The following ITGA1 variants were observed in gnomAD, a reference collection of about 807,000 sequenced individuals.
ITGA1 encodes integrin alpha-1.
Under a neutral mutation model 145.9 loss-of-function variants are expected in ITGA1, and 85 were observed. That is an observed-to-expected ratio of 0.58 (90% confidence interval 0.49 to 0.70). The LOEUF (loss-of-function observed/expected upper bound fraction) is 0.70, where lower values mean the gene tolerates loss of function less well. ITGA1 is among the 30% of genes least tolerant of loss of function. ITGA1 has a pLI of 0.00. For missense variants in ITGA1, 1,351 were observed against 1,418.7 expected (o/e 0.95, Z 0.77); for synonymous variants, 520 against 495.3 (o/e 1.05, Z -0.66).
chr5:52,921,186 A>C (rs1284663973), intron 17 of ITGA1, among the ~76,000 whole-genome samples: 1 of 152,150 alleles, frequency 6.6e-6, no homozygotes. Flanking sequence ...TAAAAACAAG[A>C]AGCAGCATGA....
intron 3 of ITGA1, 91 bp downstream of exon 3, chr5:52,861,650 CGTTTGAGCCCAGGA>C (rs1561229869): frequency 4.0e-6 from 3 of 756,746 alleles, no homozygotes; most frequent in Non-Finnish European, 6.8e-6. Context: ...ACAGGCATAT[CGTTTGAGCCCAGGA>C]GTTTGAGACC....
chr5:52,925,233 ATGCG>A (rs1750786365), intron 18 of ITGA1, 41 bp from the exon 19 acceptor site: 1 of 1,451,954 alleles, frequency 6.9e-7, no homozygotes, highest in African/African-American at 1.4e-5. Context: ...ATTTTCAACA[ATGCG>A]TAGCTAAATT....
chr5:52,912,228 GTATC>G (rs1362790242), intron 14 of ITGA1, among the ~76,000 whole-genome samples: 3 of 141,002 alleles, frequency 2.1e-5, no homozygotes, highest in Non-Finnish European at 3.1e-5. Context: ...TATATATACT[GTATC>G]TAGTGTATCT....
Position 52,925,490 on chromosome 5 carries a change from A to G in ITGA1, c.2613+3A>G, listed in dbSNP as rs1185129239. ...ATCTAGTTTTTTCAGGAATTGAGGT[A>G]AACTTCCAGTTTTTCATTTATTTGT... On this transcript the variant is annotated splice_donor_region_variant and intron_variant, in intron 19 of 28. Transcript: ENST00000282588. 6.2e-7 allele frequency: 1 copy of G among 1,601,998 alleles called. No homozygotes were observed. Among genetic ancestry groups the G allele is most frequent in the East Asian group, 2.2e-5 (1 of 44,808 alleles).
intron 10 of ITGA1, 40 bp from the exon 11 acceptor site, chr5:52,898,198 AT>A (rs1220931592): frequency 1.5e-6 from 2 of 1,311,056 alleles, no homozygotes; most frequent in South Asian, 3.4e-5. Flanking sequence ...TCCCCTTATT[AT>A]TTTTATTAAA....
chr5:52,878,019 G>A (rs1032294377), intron 6 of ITGA1, among the ~76,000 whole-genome samples: 2 of 152,210 alleles, frequency 1.3e-5, no homozygotes, highest in African/African-American at 4.8e-5. Flanking sequence ...AAAGGAAAGT[G>A]TAATTTCAAG....
rs757145736 is a variant in ITGA1 at position 52,881,938 on chromosome 5, C to T, written c.690C>T (p.Thr230=). Residue 230 remains threonine (T), a synonymous_variant, in exon 7 of 29, where the codon ACC becomes ACT. Transcript: ENST00000282588. Reference sequence around the variant, plus strand: ...TCAACCTCAATAAGTATTCTTCCACCGAAGAGGTACTTGTTGCAGCAAAGA... The same window carrying T: ...TCAACCTCAATAAGTATTCTTCCACTGAAGAGGTACTTGTTGCAGCAAAGA... The part of the protein sequence containing the change: ...HEFNLNKYSS[T]EEVLVAAKKI... 9.9e-6 allele frequency: 16 copies of T among 1,613,460 alleles called. No individual in the cohort carries two copies. The highest frequency in any genetic ancestry group is 9.4e-5 in the African/African-American group (7 of 74,852).
chr5:52,886,254 T>C (rs990252051), intron 7 of ITGA1, among the ~76,000 whole-genome samples: 4 of 152,202 alleles, frequency 2.6e-5, no homozygotes, highest in African/African-American at 9.7e-5. Flanking sequence ...ATATCCTGTA[T>C]ATCCACCACT....
intron 16 of ITGA1, 22 bp downstream of exon 16, chr5:52,918,920 A>C (rs761487874): frequency 1.7e-5 from 26 of 1,573,320 alleles, no homozygotes; most frequent in Non-Finnish European, 2.0e-5. Context: ...AATTATAGCA[A>C]GTACTTTTGG....
chr5:52,800,785 C>G (rs144148189), intron 1 of ITGA1: 47 of 1,613,740 alleles, frequency 2.9e-5, no homozygotes, highest in Non-Finnish European at 3.9e-5. Flanking sequence ...GGCCTGTGAC[C>G]CAGCCTGGAG....
intron 2 of ITGA1, among the ~76,000 whole-genome samples, chr5:52,858,886 T>A (rs754239661): frequency 1.3e-5 from 2 of 152,150 alleles, no homozygotes; most frequent in Non-Finnish European, 2.9e-5. Flanking sequence ...TTTTTGATGA[T>A]CCTCTGAAAT....
chr5:52,927,797 G>A lies in ITGA1; in HGVS notation c.2694+133G>A. On this transcript the variant is annotated intron_variant, in intron 20 of 28. Coordinates refer to ENST00000282588, the MANE Select transcript of ITGA1 (RefSeq NM_181501.2). ...AAATGTTCAGTTCAAAATTGTGACAGATTGGAATATGCTATGGTCAGAATG... is the reference window on the plus strand; with the variant it reads ...AAATGTTCAGTTCAAAATTGTGACAAATTGGAATATGCTATGGTCAGAATG... 6.4e-6 allele frequency: 4 copies of A among 623,140 alleles called. No individual in the cohort carries two copies. The East Asian group carries it at 1.1e-4, about 17-fold the overall frequency. 38.6% of individuals were successfully genotyped at this position (623,140 alleles called of 1,614,324 possible).
chr5:52,938,224 T>A (rs554422797), intron 24 of ITGA1, among the ~76,000 whole-genome samples: 194 of 152,300 alleles, frequency 1.3e-3, no homozygotes, highest in African/African-American at 4.4e-3. Flanking sequence ...TTCTTAATTG[T>A]ACCTAAGCAT....
At chr5:52,911,168 A>C (rs1750516315) in intron 14 of ITGA1, among the ~76,000 whole-genome samples, 3 of 136,668 alleles carry the variant, frequency 2.2e-5, no homozygotes. Context: ...GTGTATATAG[A>C]GTACATATTG....
At position 52,826,468 on chromosome 5, in the gene ITGA1, A is replaced by T. The variant is rs561335688; in HGVS notation, c.62-22897A>T. The stretch of plus-strand genomic sequence containing the variant: ...GTTATCCAGAAGATCTAGCTAAGAT[A>T]ATTTGGTAAAAGTAGCTACACTGAA... On this transcript the variant is annotated intron_variant, in intron 1 of 28. Transcript: ENST00000282588. Among the ~76,000 whole-genome samples, 56 of 152,382 alleles carry T rather than the reference A, an allele frequency of 3.7e-4. No individual in the cohort carries two copies. The South Asian group carries it at 0.012, about 32-fold the overall frequency.
At position 52,799,913 on chromosome 5, in the gene ITGA1, T is replaced by C. The variant is rs370826774; in HGVS notation, c.61+11499T>C. 5.9e-5 allele frequency: 10 copies of C among 168,536 alleles called. No individual in the cohort carries two copies. The East Asian group carries it at 7.3e-4, about 12-fold the overall frequency. The allele number at this position is 168,536 out of a possible 1,614,324, so 10.4% of individuals were successfully genotyped here. A position where few individuals can be genotyped will look rare whatever the true frequency, so the allele number is the denominator to read the frequency against. ...GGGATGGAAGAGAAAACTTAGGAAGTTGAAGTTTGGCATTAAAATAAAGGA... is the reference window on the plus strand; with the variant it reads ...GGGATGGAAGAGAAAACTTAGGAAGCTGAAGTTTGGCATTAAAATAAAGGA... On this transcript the variant is annotated intron_variant, in intron 1 of 28. Transcript: ENST00000282588.
rs1052572953 is a variant in ITGA1 at position 52,834,651 on chromosome 5, AAAAG to A, written c.62-14708_62-14705del. Among the ~76,000 whole-genome samples, 13 of 151,122 alleles carry A rather than the reference AAAAG, an allele frequency of 8.6e-5. No homozygotes were observed. In the East Asian group the frequency reaches 1.4e-3, roughly 16 times the overall value. On this transcript the variant is annotated intron_variant, in intron 1 of 28. Coordinates refer to ENST00000282588, the MANE Select transcript of ITGA1 (RefSeq NM_181501.2). ...AGAGAAAGAAAGACAGAAAGAAAGA[AAAAG>A]AAAGAGAAAGAAAGAAAGAAAGAGA...
At chr5:52,920,145 A>G (rs1750709160) in intron 16 of ITGA1, among the ~76,000 whole-genome samples, 187 bp from the exon 17 acceptor site, 1 of 152,198 alleles carries the variant, frequency 6.6e-6, no homozygotes, top group African/African-American at 2.4e-5. Context: ...AGTTCTATAG[A>G]GTTCCTCAAG....
intron 2 of ITGA1, among the ~76,000 whole-genome samples, chr5:52,858,954 T>C (rs1749557656): frequency 6.6e-6 from 1 of 152,198 alleles, no homozygotes; most frequent in Non-Finnish European, 1.5e-5. Context: ...TGACTTGTCC[T>C]AACCATATAG....
Sources: gnomAD v4.1 joint callset for allele counts (sites outside exome capture counted in the v4.1 genomes callset) on GRCh38, gnomAD v4.1.1 for gene constraint, MANE v1.5 for transcripts, NCBI Gene and HGNC (gene_info 2026-07-23, HGNC 2026-07-21) for gene names.